The following TMEM254 variants were observed in gnomAD, a reference collection of about 807,000 sequenced individuals.
The protein encoded by TMEM254 is transmembrane protein 254.
A neutral mutation model predicts 13.9 loss-of-function variants in TMEM254; 16 were observed. That is an observed-to-expected ratio of 1.15 (90% confidence interval 0.78 to 1.75). TMEM254 has a LOEUF of 1.75. TMEM254 is among the 40% of genes most tolerant of loss of function. TMEM254 has a pLI of 0.00. For missense variants in TMEM254, 155 were observed against 149.0 expected (o/e 1.04, Z -0.21); for synonymous variants, 61 against 56.4 (o/e 1.08, Z -0.36).
At chr10:80,081,626 C>T in intron 1 of TMEM254, 1 of 1,461,154 alleles carries the variant, frequency 6.8e-7, no homozygotes, top group Non-Finnish European at 9.3e-7. Context: ...CATGATCATG[C>T]CACTGCACTC....
chr10:80,091,975 T>C lies in TMEM254; in HGVS notation c.*1058T>C, dbSNP rs11201641. On this transcript the variant is annotated 3_prime_UTR_variant, in exon 4 of 4. Transcript: ENST00000372281. ...AGTGTGTCTTTCCAGCTCTGATTTA[T>C]TCAAAACACAAGCATTTCTGTTTAG... 0.15 allele frequency: 23,210 copies of C among 152,204 alleles called. 2,076 individuals are homozygous for C. The highest frequency in any genetic ancestry group is 0.44 in the East Asian group (2,260 of 5,166). 9.4% of individuals were successfully genotyped at this position (152,204 alleles called of 1,614,324 possible).
In TMEM254 at chr10:80,092,541, A is replaced by G. The variant is rs1844608498; in HGVS notation, c.*1624A>G. On this transcript the variant is annotated 3_prime_UTR_variant, in exon 4 of 4. Coordinates refer to ENST00000372281, the MANE Select transcript of TMEM254 (RefSeq NM_025125.4). ...TGATTAACTTGAATAAAATGCTGTG[A>G]ATTTTCTCTAGCTGAATGCTTTTCT... 6.6e-6 allele frequency: 1 copy of G among 152,164 alleles called. No individual in the cohort carries two copies. Among genetic ancestry groups the G allele is most frequent in the Non-Finnish European group, 1.5e-5 (1 of 68,042 alleles). 9.4% of individuals were successfully genotyped at this position (152,164 alleles called of 1,614,324 possible).
At chr10:80,080,743 A>G (rs1843959379) in intron 1 of TMEM254, among the ~76,000 whole-genome samples, 2 of 151,452 alleles carry the variant, frequency 1.3e-5, no homozygotes, top group African/African-American at 4.9e-5. Flanking sequence ...GTTCGAGACC[A>G]TCCTGGGCAA....
chr10:80,081,684 G>GAA, intron 1 of TMEM254, 157 bp from the exon 2 acceptor site: 1 of 1,576,888 alleles, frequency 6.3e-7, no homozygotes, highest in Non-Finnish European at 8.6e-7. Flanking sequence ...AAGAAAGAAA[G>GAA]AAAATAGAAG....
chr10:80,090,352 G>GAT, intron 3 of TMEM254: 1 of 717,338 alleles, frequency 1.4e-6, no homozygotes, highest in Non-Finnish European at 2.6e-6. Context: ...GACTCAGTGA[G>GAT]ATAGCTACTG....
chr10:80,081,079 AAAAT>A lies in TMEM254; in HGVS notation c.88-741_88-738del, dbSNP rs148327670. ...TAAGCGACAGAGTGAAACTCCATCT[AAAAT>A]AAATAAATAAATAAATAAATTAGTC... On this transcript the variant is annotated intron_variant, in intron 1 of 3. Transcript: ENST00000372281. 4.7e-3 allele frequency among the ~76,000 whole-genome samples: 714 copies of A among 151,498 alleles called. 9 individuals are homozygous for A. The highest frequency in any genetic ancestry group is 0.016 in the African/African-American group (675 of 41,236).
intron 1 of TMEM254, 66 bp downstream of exon 1, chr10:80,078,852 T>C (rs991277489): frequency 5.2e-6 from 8 of 1,542,888 alleles, no homozygotes; most frequent in Non-Finnish European, 7.0e-6. Context: ...CCCCAGGACC[T>C]GGGCTCACAG....
Position 80,081,953 on chromosome 10 carries a change from A to C in TMEM254, c.191+9A>C. 6.2e-7 allele frequency: 1 copy of C among 1,611,546 alleles called. No individual in the cohort carries two copies. Among genetic ancestry groups the C allele is most frequent in the South Asian group, 1.1e-5 (1 of 90,984 alleles). On this transcript the variant is annotated intron_variant, in intron 2 of 3. Coordinates refer to ENST00000372281, the MANE Select transcript of TMEM254 (RefSeq NM_025125.4). ...ACCCTCCTGTGCAATGGGTAAGGAG[A>C]GCTGCACAAGTGGACTGTGGACACT...
At chr10:80,090,543 T>C (rs1425038612) in intron 3 of TMEM254, 6 of 684,728 alleles carry the variant, frequency 8.8e-6, no homozygotes, top group Admixed American at 2.2e-5. Context: ...AGAAACAGTC[T>C]TATAATACTG....
At chr10:80,083,922 C>CA (rs1181370634) in intron 3 of TMEM254, among the ~76,000 whole-genome samples, 3 of 151,868 alleles carry the variant, frequency 2.0e-5, no homozygotes, top group East Asian at 1.9e-4. Context: ...ACTAAAAATA[C>CA]AAAAAATACT....
intron 3 of TMEM254, among the ~76,000 whole-genome samples, chr10:80,084,868 C>T (rs1211631702): frequency 6.6e-6 from 1 of 151,992 alleles, no homozygotes; most frequent in Non-Finnish European, 1.5e-5. Context: ...GCTCTGTCGC[C>T]AGGCTGGAGT....
intron 3 of TMEM254, among the ~76,000 whole-genome samples, chr10:80,083,158 G>A (rs1473559058): frequency 6.8e-6 from 1 of 146,358 alleles, no homozygotes. Flanking sequence ...CCAGGCTGGA[G>A]TGCAGTGGCG....
At chr10:80,081,670 AAAAAAG>A in intron 1 of TMEM254, 165 bp from the exon 2 acceptor site, 1 of 1,563,690 alleles carries the variant, frequency 6.4e-7, no homozygotes, top group Admixed American at 1.9e-5. Flanking sequence ...CCTGTCAAAA[AAAAAAG>A]AAAGAAAGAA....
At chr10:80,081,341 C>T (rs543265263) in intron 1 of TMEM254, among the ~76,000 whole-genome samples, 1 of 152,254 alleles carries the variant, frequency 6.6e-6, no homozygotes, top group Non-Finnish European at 1.5e-5. Flanking sequence ...ATACTTTCCT[C>T]AGCATAAGTC....
chr10:80,083,260 T>C (rs1844140753), intron 3 of TMEM254, among the ~76,000 whole-genome samples: 1 of 151,968 alleles, frequency 6.6e-6, no homozygotes, highest in Non-Finnish European at 1.5e-5. Context: ...CCCACCACCA[T>C]GCCTGGCTAA....
At chr10:80,079,353 G>A in intron 1 of TMEM254, 1 of 1,181,186 alleles carries the variant, frequency 8.5e-7, no homozygotes, top group Middle Eastern at 3.9e-4. Context: ...CTGCTTTCTA[G>A]TGTTCCTGTC....
chr10:80,078,879 A>G (rs1589375546), intron 1 of TMEM254, 93 bp downstream of exon 1: 1 of 1,531,270 alleles, frequency 6.5e-7, no homozygotes, highest in Non-Finnish European at 8.9e-7. Context: ...GGCCGGGGGA[A>G]GTCGTGCAAG....
In TMEM254 at chr10:80,089,945, C is replaced by G. The variant is rs371045268; in HGVS notation, c.252-852C>G. Among the ~76,000 whole-genome samples the G allele has an allele frequency of 2.0e-3, 293 of 148,178 alleles. 1 individual carries two copies. The highest frequency in any genetic ancestry group is 7.1e-3 in the African/African-American group (286 of 40,034). On this transcript the variant is annotated intron_variant, in intron 3 of 3. Transcript: ENST00000372281. The stretch of plus-strand genomic sequence containing the variant: ...GCATCAACCCGGGAGGCAGAGCTTG[C>G]AGTGAGTCAAGATCGCGCCACTGCA...
At chr10:80,089,960 G>A (rs1201304696) in intron 3 of TMEM254, among the ~76,000 whole-genome samples, 8 of 148,874 alleles carry the variant, frequency 5.4e-5, no homozygotes, top group African/African-American at 2.0e-4. Context: ...AGTCAAGATC[G>A]CGCCACTGCA....
Sources: gnomAD v4.1 joint callset for allele counts (sites outside exome capture counted in the v4.1 genomes callset) on GRCh38, gnomAD v4.1.1 for gene constraint, MANE v1.5 for transcripts, NCBI Gene and HGNC (gene_info 2026-07-23, HGNC 2026-07-21) for gene names.